The following PRDM10 variants were observed in gnomAD, a reference collection of about 807,000 sequenced individuals.
PRDM10 encodes the protein PR/SET domain 10.
PRDM10 carries 65 observed loss-of-function variants against 133.1 expected under a neutral mutation model. That is an observed-to-expected ratio of 0.49 (90% CI 0.40 to 0.60). The LOEUF is 0.60. Among genes scored for constraint, PRDM10 ranks in the 20% least tolerant of loss-of-function variants. The pLI is 0.00. For synonymous variants in PRDM10, 582 were observed against 580.4 expected (o/e 1.00, Z -0.04); for missense variants, 1,137 against 1,507.1 (o/e 0.75, Z 4.07).
chr11:129,908,178 A>G (rs972772941), intron 19 of PRDM10, among the ~76,000 whole-genome samples: 1 of 152,062 alleles, frequency 6.6e-6, no homozygotes, highest in East Asian at 1.9e-4. Flanking sequence ...TTTTTAAAAA[A>G]TAGTTTTTTT....
rs769178309 is a variant in PRDM10, at chr11:129,925,042, C to T, written c.1718G>A (p.Ser573Asn). ...CTGGTCTGAGTGGAGCTTCATGTGGCTCTCCAAGGATGTGCTGCTGATGAA... is the reference window on the plus strand; with the variant it reads ...CTGGTCTGAGTGGAGCTTCATGTGGTTCTCCAAGGATGTGCTGCTGATGAA... ...KGFISSTSLE[S>N]HMKLHSDQKT... The change falls in exon 12 of 21, where the codon AGC becomes AAC. Residue 573 changes from serine to asparagine, a missense_variant. This residue lies in a region of PRDM10 where 635 missense variants were observed against 835.2 expected (regional missense o/e 0.76). Transcript: ENST00000360871. 1 of 1,614,192 alleles carries T rather than the reference C, an allele frequency of 6.2e-7. No individual in the cohort carries two copies. Among genetic ancestry groups the T allele is most frequent in the Non-Finnish European group, 8.5e-7 (1 of 1,180,042 alleles).
chr11:129,926,229 T>C (rs1950674130), intron 11 of PRDM10, among the ~76,000 whole-genome samples: 1 of 152,202 alleles, frequency 6.6e-6, no homozygotes, highest in African/African-American at 2.4e-5. Context: ...GGGTACTCAG[T>C]GCAAACCCAT....
chr11:129,942,278 G>A, intron 7 of PRDM10, 148 bp downstream of exon 7: 1 of 675,884 alleles, frequency 1.5e-6, no homozygotes, highest in South Asian at 1.9e-5. Context: ...CTACATGGTA[G>A]CTACTCAATA....
chr11:129,996,228 G>A (rs934913349), intron 1 of PRDM10, among the ~76,000 whole-genome samples: 16 of 152,304 alleles, frequency 1.1e-4, no homozygotes, highest in African/African-American at 3.9e-4. Context: ...AAATCCTGCA[G>A]GACCTTCAGA....
In PRDM10 at chr11:129,925,420, G is replaced by A. The variant is rs1188948689; in HGVS notation, c.1531-191C>T. On this transcript the variant is annotated intron_variant, in intron 11 of 20. Transcript: ENST00000360871. Reference sequence around the variant, plus strand: ...TGAAAATGAAGCCATCCTCAAAGAAGCTCATCTTAAAGAGATGAAATTTTT... The same window carrying A: ...TGAAAATGAAGCCATCCTCAAAGAAACTCATCTTAAAGAGATGAAATTTTT... 3.9e-4 allele frequency among the ~76,000 whole-genome samples: 60 copies of A among 152,018 alleles called. 1 individual carries two copies. Among genetic ancestry groups the A allele is most frequent in the African/African-American group, 2.4e-5 (1 of 41,428 alleles).
Position 129,925,149 on chromosome 11 carries a change from T to C in PRDM10, c.1611A>G (p.Glu537=). 1.9e-6 allele frequency: 3 copies of C among 1,614,170 alleles called. No homozygotes were observed. Among genetic ancestry groups the C allele is most frequent in the East Asian group, 2.2e-5 (1 of 44,884 alleles). Residue 537 remains glutamate, a synonymous_variant, in exon 12 of 21, where the codon GAA becomes GAG. Coordinates refer to ENST00000360871, the MANE Select transcript of PRDM10 (RefSeq NM_199437.2). ...KCLQCGKAFR[E]KDKLDQHLRF... ...GTAAGTGCTGGTCCAGTTTGTCCTTTTCCCGGAAGGCCTTCCCACACTGCA... is the reference window on the plus strand; with the variant it reads ...GTAAGTGCTGGTCCAGTTTGTCCTTCTCCCGGAAGGCCTTCCCACACTGCA...
In PRDM10 at chr11:129,945,429, C is replaced by T. The variant is rs770231327; in HGVS notation, c.521-417G>A. On this transcript the variant is annotated intron_variant, in intron 5 of 20. Transcript: ENST00000360871. The surrounding 1 kb of genome is among the most constrained non-coding windows in gnomAD (Gnocchi z 4.2). ...TATCTCAATAAAACTATTCCGGGGC[C>T]GGGGAGGAACCCTGACAATACTATT... Among the ~76,000 whole-genome samples, 1 of 152,072 alleles carries T rather than the reference C, an allele frequency of 6.6e-6. No individual in the cohort carries two copies.
chr11:129,963,375 G>GA (rs58378372), intron 1 of PRDM10, among the ~76,000 whole-genome samples: 1 of 47,480 alleles, frequency 2.1e-5, no homozygotes, highest in Non-Finnish European at 4.8e-5. Context: ...CCTGCTGAAA[G>GA]AAAAAAGAGA....
chr11:129,931,986 G>A lies in PRDM10; in HGVS notation c.1287+116C>T, dbSNP rs151332678. 1.8e-5 allele frequency: 23 copies of A among 1,281,942 alleles called. No homozygotes were observed. In the African/African-American group the frequency reaches 2.9e-4, roughly 16 times the overall value. 79.4% of individuals were successfully genotyped at this position (1,281,942 alleles called of 1,614,324 possible). On this transcript the variant is annotated intron_variant, in intron 10 of 20. Transcript: ENST00000360871. Reference sequence around the variant, plus strand: ...CATTCTTTAATTAACAGGCAGCAAGGTCTGATAGGAAAGGTCTACAAACAT... The same window carrying A: ...CATTCTTTAATTAACAGGCAGCAAGATCTGATAGGAAAGGTCTACAAACAT...
chr11:129,901,998 T>G lies in PRDM10; in HGVS notation c.*315A>C. 3.5e-6 allele frequency: 1 copy of G among 285,862 alleles called. No homozygotes were observed. Among genetic ancestry groups the G allele is most frequent in the Non-Finnish European group, 6.6e-6 (1 of 151,118 alleles). The allele number at this position is 285,862 out of a possible 1,614,324, so 17.7% of individuals were successfully genotyped here. A position where few individuals can be genotyped will look rare whatever the true frequency, so the allele number is the denominator to read the frequency against. The stretch of plus-strand genomic sequence containing the variant: ...TATGAACACAATATGCCACTTAATA[T>G]TTCCACAAAGGAAAAGTAAGGCTCG... On this transcript the variant is annotated 3_prime_UTR_variant, in exon 21 of 21. Transcript: ENST00000360871.
chr11:129,951,671 C>T (rs1198652597), intron 4 of PRDM10, among the ~76,000 whole-genome samples: 1 of 152,058 alleles, frequency 6.6e-6, no homozygotes. Context: ...ATGAAACGAC[C>T]ACGCTGGACA....
chr11:129,902,359 G>A lies in PRDM10; in HGVS notation c.3425C>T (p.Thr1142Ile), dbSNP rs759093421. ...TTCGCTGCTTCCGTTCCCGTTGGTGGTGGTGGTGATGATGTACTGTGTGGT... is the reference window on the plus strand; with the variant it reads ...TTCGCTGCTTCCGTTCCCGTTGGTGATGGTGGTGATGATGTACTGTGTGGT... ...QQTTQYIITTTTNGNGSSEVH... is the reference protein window; with the variant it reads ...QQTTQYIITTITNGNGSSEVH... Residue 1142 changes from threonine to isoleucine, a missense_variant, in exon 21 of 21, where the codon ACC becomes ATC. By Grantham distance (89) the Thr-to-Ile change is moderately conservative (BLOSUM62 -1). Around this residue, in one of 6 missense-constraint regions of PRDM10, gnomAD observed 243 missense variants for 259.2 expected, o/e 0.94. Coordinates refer to ENST00000360871, the MANE Select transcript of PRDM10 (RefSeq NM_199437.2). 1.1e-5 allele frequency: 18 copies of A among 1,614,174 alleles called. No individual in the cohort carries two copies. The highest frequency in any genetic ancestry group is 1.4e-5 in the Non-Finnish European group (17 of 1,180,008).
chr11:129,954,411 C>T (rs534358021), intron 4 of PRDM10, among the ~76,000 whole-genome samples: 9 of 151,608 alleles, frequency 5.9e-5, no homozygotes, highest in South Asian at 4.2e-4. Flanking sequence ...TACAGGCACC[C>T]GCCACCATGC....
chr11:130,001,063 C>T (rs1210254854), intron 1 of PRDM10, among the ~76,000 whole-genome samples: 1 of 152,094 alleles, frequency 6.6e-6, no homozygotes, highest in Non-Finnish European at 1.5e-5. Flanking sequence ...GCCAAGATCG[C>T]GCCACTGCAC....
Position 129,905,281 on chromosome 11 carries a change from G to C in PRDM10, c.3267+357C>G, listed in dbSNP as rs565052194. Among the ~76,000 whole-genome samples the C allele has an allele frequency of 4.8e-5, 7 of 145,646 alleles. No individual in the cohort carries two copies. In the East Asian group the frequency reaches 1.5e-3, roughly 30 times the overall value. On this transcript the variant is annotated intron_variant, in intron 20 of 20. Coordinates refer to ENST00000360871, the MANE Select transcript of PRDM10 (RefSeq NM_199437.2). ...GGAGGCTGAGGCAGGAGAATCACTTGAACCCAGGAGACGGAGGTTGCAGGT... is the reference window on the plus strand; with the variant it reads ...GGAGGCTGAGGCAGGAGAATCACTTCAACCCAGGAGACGGAGGTTGCAGGT...
rs570282557 is a variant in PRDM10, at chr11:129,963,478, G to A, written c.-118-2396C>T. Among the ~76,000 whole-genome samples, 7 of 147,212 alleles carry A rather than the reference G, an allele frequency of 4.8e-5. No individual in the cohort carries two copies. In the East Asian group the frequency reaches 1.4e-3, roughly 29 times the overall value. On this transcript the variant is annotated intron_variant, in intron 1 of 20. Transcript: ENST00000360871. The stretch of plus-strand genomic sequence containing the variant: ...AGAAGTCATAACATGTTCCATGTAG[G>A]AAACTTTTTTTTTAAAGTTGTTTAT...
chr11:129,973,890 C>G (rs553494431), intron 1 of PRDM10, among the ~76,000 whole-genome samples: 2 of 152,346 alleles, frequency 1.3e-5, no homozygotes, highest in South Asian at 2.1e-4. Context: ...CTAGGTAGGA[C>G]AAGAACTATG....
intron 3 of PRDM10, among the ~76,000 whole-genome samples, 167 bp downstream of exon 3, chr11:129,957,579 A>C (rs1253057721): frequency 6.6e-6 from 1 of 152,180 alleles, no homozygotes; most frequent in Non-Finnish European, 1.5e-5. Flanking sequence ...GGCCTCCCAA[A>C]GTGCTGGGAT....
At chr11:129,946,224 T>C (rs1167979308) in intron 5 of PRDM10, among the ~76,000 whole-genome samples, 2 of 151,516 alleles carry the variant, frequency 1.3e-5, no homozygotes, top group Non-Finnish European at 2.9e-5. Flanking sequence ...CACTCCAGCT[T>C]GGGAGACAGA....
Sources: allele counts gnomAD v4.1 joint callset (sites outside exome capture counted in the v4.1 genomes callset), GRCh38; gene constraint gnomAD v4.1.1; regional missense constraint gnomAD v4.1.1; non-coding constraint Gnocchi (gnomAD v3.1); transcripts MANE v1.5; gene names NCBI Gene and HGNC (gene_info 2026-07-23, HGNC 2026-07-21).